The following NIBAN1 variants were observed in gnomAD, a reference collection of about 807,000 sequenced individuals.
The protein encoded by NIBAN1 is niban apoptosis regulator 1, also known as protein Niban 1.
A neutral mutation model predicts 75.1 loss-of-function variants in NIBAN1; 81 were observed. The ratio of observed to expected loss-of-function variants is 1.08; its 90% CI spans 0.90 to 1.30. NIBAN1 has a LOEUF of 1.30. NIBAN1 is among the 50% of genes most tolerant of loss of function. The pLI, the probability that NIBAN1 is intolerant of heterozygous loss-of-function variation, is 0.00. For synonymous variants in NIBAN1, 436 were observed against 424.8 expected (o/e 1.03, Z -0.32); for missense variants, 1,133 against 1,128.1 (o/e 1.00, Z -0.06).
intron 5 of NIBAN1, among the ~76,000 whole-genome samples, chr1:184,860,702 AGAGT>A (rs1655794891): frequency 6.6e-6 from 1 of 152,216 alleles, no homozygotes. Flanking sequence ...AAGAGTAATG[AGAGT>A]GAGTAACACA....
intron 12 of NIBAN1, 50 bp downstream of exon 12, chr1:184,803,535 A>T (rs747505718): frequency 6.9e-7 from 1 of 1,455,998 alleles, no homozygotes; most frequent in Non-Finnish European, 9.6e-7. Flanking sequence ...AACTTGTTTG[A>T]ACTTCAGAGG....
chr1:184,791,174 T>A lies in NIBAN1; in HGVS notation c.*3803A>T. ...ATTTTTTTTCTTGAAGTTGCAGACT[T>A]TAGAAGGCAAACCCTCAAACCCGTC... is the stretch of plus-strand genomic sequence containing the variant. On this transcript the variant is annotated 3_prime_UTR_variant, in exon 14 of 14. Transcript: ENST00000367511. 2.4e-6 allele frequency: 1 copy of A among 411,654 alleles called. No homozygotes were observed. Among genetic ancestry groups the A allele is most frequent in the South Asian group, 1.8e-5 (1 of 56,072 alleles). 25.5% of individuals were successfully genotyped at this position (411,654 alleles called of 1,614,324 possible). A position where few individuals can be genotyped will look rare whatever the true frequency, so the allele number is the denominator to read the frequency against.
chr1:184,876,953 T>G (rs1371707397), intron 5 of NIBAN1, among the ~76,000 whole-genome samples: 1 of 152,160 alleles, frequency 6.6e-6, no homozygotes, highest in Non-Finnish European at 1.5e-5. Context: ...GAAAATTACA[T>G]GCAAATACAC....
At chr1:184,842,614 G>A (rs915952230) in intron 5 of NIBAN1, among the ~76,000 whole-genome samples, 2 of 152,206 alleles carry the variant, frequency 1.3e-5, no homozygotes, top group South Asian at 2.1e-4. Flanking sequence ...TTAGCCGGGC[G>A]TGGTGGCGGG....
At chr1:184,875,126 G>A (rs1490186399) in intron 5 of NIBAN1, among the ~76,000 whole-genome samples, 1 of 152,126 alleles carries the variant, frequency 6.6e-6, no homozygotes, top group African/African-American at 2.4e-5. Flanking sequence ...AAATGATCCT[G>A]CATATCCAAA....
intron 1 of NIBAN1, among the ~76,000 whole-genome samples, chr1:184,964,822 T>C (rs1405630701): frequency 2.0e-5 from 3 of 152,216 alleles, no homozygotes; most frequent in Non-Finnish European, 4.4e-5. Flanking sequence ...AAGTACCTAA[T>C]ATATGTTGCC....
chr1:184,810,975 G>A (rs1571481278), intron 9 of NIBAN1, among the ~76,000 whole-genome samples: 1 of 152,176 alleles, frequency 6.6e-6, no homozygotes, highest in Non-Finnish European at 1.5e-5. Flanking sequence ...GAGCGGCTGG[G>A]GATCGCGGTA....
chr1:184,861,488 A>C (rs1655812487), intron 5 of NIBAN1, among the ~76,000 whole-genome samples: 1 of 151,512 alleles, frequency 6.6e-6, no homozygotes, highest in Non-Finnish European at 1.5e-5. Context: ...TGGCAGAAGG[A>C]AGGGACAAGA....
intron 11 of NIBAN1, 28 bp from the exon 12 acceptor site, chr1:184,803,720 A>C: frequency 6.3e-7 from 1 of 1,580,006 alleles, no homozygotes; most frequent in Non-Finnish European, 8.7e-7. Flanking sequence ...TATGTTAAAT[A>C]GTAACATTAC....
intron 6 of NIBAN1, among the ~76,000 whole-genome samples, chr1:184,825,888 AAAT>A (rs767166515): frequency 2.0e-5 from 3 of 152,210 alleles, no homozygotes; most frequent in Non-Finnish European, 4.4e-5. Flanking sequence ...TATGAGTTTG[AAAT>A]AATATTTGTC....
chr1:184,864,636 A>T (rs1482798391), intron 5 of NIBAN1, among the ~76,000 whole-genome samples: 1 of 152,176 alleles, frequency 6.6e-6, no homozygotes, highest in African/African-American at 2.4e-5. Context: ...GTAAAAAAAA[A>T]TACGTAAAAT....
intron 9 of NIBAN1, among the ~76,000 whole-genome samples, chr1:184,809,351 C>A (rs1654300165): frequency 6.6e-6 from 1 of 152,020 alleles, no homozygotes; most frequent in Non-Finnish European, 1.5e-5. Context: ...ATTAAGCAGA[C>A]AGAAGAGGAA....
chr1:184,914,903 T>C (rs1657343841), intron 1 of NIBAN1, among the ~76,000 whole-genome samples: 1 of 152,158 alleles, frequency 6.6e-6, no homozygotes, highest in Non-Finnish European at 1.5e-5. Context: ...TTTGTACTTT[T>C]AGTAGAGACG....
At chr1:184,940,532 T>C (rs1199302312) in intron 1 of NIBAN1, among the ~76,000 whole-genome samples, 3 of 152,194 alleles carry the variant, frequency 2.0e-5, no homozygotes, top group Non-Finnish European at 4.4e-5. Flanking sequence ...TAAATACTTT[T>C]GTGATGAAAG....
chr1:184,969,691 TC>T (rs1658885576), intron 1 of NIBAN1, among the ~76,000 whole-genome samples: 1 of 149,452 alleles, frequency 6.7e-6, no homozygotes, highest in Admixed American at 6.6e-5. Flanking sequence ...GGAGTTTCTT[TC>T]TTTTTTTTTT....
At chr1:184,877,968 T>C (rs961535495) in intron 5 of NIBAN1, among the ~76,000 whole-genome samples, 5 of 152,184 alleles carry the variant, frequency 3.3e-5, no homozygotes, top group African/African-American at 1.2e-4. Context: ...TTTTAATGAT[T>C]GTTCCAATTT....
In NIBAN1 at chr1:184,794,006, A is replaced by G. The variant is rs1653764727; in HGVS notation, c.*971T>C. Reference sequence around the variant, plus strand: ...CCAGGACTATTTGAATGGAAAGAGAAAAAAAAAAGCTGTCATAGTTTAAAA... The same window carrying G: ...CCAGGACTATTTGAATGGAAAGAGAGAAAAAAAAGCTGTCATAGTTTAAAA... On this transcript the variant is annotated 3_prime_UTR_variant, in exon 14 of 14. Transcript: ENST00000367511. The G allele has an allele frequency of 6.6e-6, 1 of 151,388 alleles. No homozygotes were observed. Among genetic ancestry groups the G allele is most frequent in the African/African-American group, 2.4e-5 (1 of 41,214 alleles). The allele number at this position is 151,388 out of a possible 1,614,324, so 9.4% of individuals were successfully genotyped here.
chr1:184,852,762 G>A (rs1655575114), intron 5 of NIBAN1, among the ~76,000 whole-genome samples: 1 of 152,096 alleles, frequency 6.6e-6, no homozygotes, highest in Non-Finnish European at 1.5e-5. Flanking sequence ...TTTTCTTCCC[G>A]CTAAACATTC....
intron 1 of NIBAN1, among the ~76,000 whole-genome samples, chr1:184,935,028 C>T (rs1000418785): frequency 6.6e-6 from 1 of 152,206 alleles, no homozygotes; most frequent in Non-Finnish European, 1.5e-5. Context: ...CGTGGTCACA[C>T]CACTGCACTC....
Sources: gnomAD v4.1 joint callset for allele counts (sites outside exome capture counted in the v4.1 genomes callset) on GRCh38, gnomAD v4.1.1 for gene constraint, MANE v1.5 for transcripts, NCBI Gene and HGNC (gene_info 2026-07-23, HGNC 2026-07-21) for gene names.